Variants in TMBIM1 observed in about 807,000 individuals in gnomAD.
The protein encoded by TMBIM1 is transmembrane BAX inhibitor motif containing 1.
Under a neutral mutation model 45.1 loss-of-function variants are expected in TMBIM1, and 34 were observed. That is an observed-to-expected ratio of 0.75 (90% CI 0.57 to 1.00). The LOEUF (loss-of-function observed/expected upper bound fraction) is 1.00, where lower values mean the gene tolerates loss of function less well. Among genes scored for constraint, TMBIM1 ranks in the 50% least tolerant of loss-of-function variants. TMBIM1 has a pLI of 0.00. For missense variants in TMBIM1, 374 were observed against 402.4 expected (o/e 0.93, Z 0.60); for synonymous variants, 157 against 153.5 (o/e 1.02, Z -0.17).
chr2:218,284,798 T>A lies in TMBIM1; in HGVS notation c.-40-2617A>T, dbSNP rs555906286. ...TTGCTATAAAAATTAAGTGAGAAAA[T>A]ACACATAGAAGGCTGGGCACAGTGG... On this transcript the variant is annotated intron_variant, in intron 1 of 11. Coordinates refer to ENST00000258412, the MANE Select transcript of TMBIM1 (RefSeq NM_022152.6). Among the ~76,000 whole-genome samples, 6 of 152,284 alleles carry A rather than the reference T, an allele frequency of 3.9e-5. No homozygotes were observed. In the South Asian group the frequency reaches 1.2e-3, roughly 32 times the overall value.
At chr2:218,275,665 G>C (rs761042621) in intron 11 of TMBIM1, 44 bp from the exon 12 acceptor site, 11 of 1,582,580 alleles carry the variant, frequency 7.0e-6, no homozygotes, top group Non-Finnish European at 7.7e-6. Context: ...AGGCATCAGT[G>C]TCCAGAGCTC....
Position 218,282,064 on chromosome 2 carries a change from AT to A in TMBIM1, c.77del (p.Tyr26LeufsTer40), listed in dbSNP as rs1355604521. The A allele has an allele frequency of 6.3e-7, 1 of 1,597,162 alleles. No individual in the cohort carries two copies. Among genetic ancestry groups the A allele is most frequent in the African/African-American group, 1.3e-5 (1 of 74,166 alleles). On this transcript the variant is annotated frameshift_variant, in exon 2 of 12. Transcript: ENST00000258412. LOFTEE classifies it high-confidence loss of function. ...CTCCTGGCAGGACAGATGGCTGCCC[AT>A]AGCCCCCAGGGGGCGGAGGGCCTGG... ...LYPGPPPPGG[Y>X]GQPSVLPGGY...
intron 2 of TMBIM1, 113 bp downstream of exon 2, chr2:218,281,824 AGAT>A: frequency 1.1e-6 from 1 of 874,956 alleles, no homozygotes. Context: ...TCAACAGAGA[AGAT>A]GAGAAAGGGA....
Position 218,275,498 on chromosome 2 carries a change from G to GC in TMBIM1, c.912dup (p.Gln305AlafsTer25), listed in dbSNP as rs760550492. ...CCTTAATTGCGATCCCCCATCAGCTGCAGCACAAAGGTGAAGATGTAGATG... is the reference window on the plus strand; with the variant it reads ...CCTTAATTGCGATCCCCCATCAGCTGCCAGCACAAAGGTGAAGATGTAGATG... On this transcript the variant is annotated frameshift_variant, in exon 12 of 12. Coordinates refer to ENST00000258412, the MANE Select transcript of TMBIM1 (RefSeq NM_022152.6). LOFTEE classifies it high-confidence loss of function. 1.2e-6 allele frequency: 2 copies of GC among 1,613,922 alleles called. No individual in the cohort carries two copies. Among genetic ancestry groups the GC allele is most frequent in the Admixed American group, 3.3e-5 (2 of 59,964 alleles).
intron 6 of TMBIM1, 98 bp from the exon 7 acceptor site, chr2:218,278,072 G>A: frequency 7.1e-7 from 1 of 1,409,876 alleles, no homozygotes; most frequent in South Asian, 1.2e-5. Flanking sequence ...GTGCCTGGAG[G>A]ATTAAGCCTT....
intron 10 of TMBIM1, 110 bp downstream of exon 10, chr2:218,276,894 T>G (rs1186334124): frequency 2.4e-6 from 2 of 844,752 alleles, no homozygotes; most frequent in Admixed American, 4.1e-5. Flanking sequence ...CGAGAGGTTC[T>G]GGAGGTCAGA....
intron 6 of TMBIM1, 119 bp downstream of exon 6, chr2:218,278,396 C>G: frequency 9.5e-7 from 1 of 1,050,404 alleles, no homozygotes; most frequent in Non-Finnish European, 1.5e-6. Context: ...CGTCATCCTC[C>G]TCCTCATTTC....
intron 6 of TMBIM1, chr2:218,278,291 ATGCTACC>A (rs1316780832): frequency 1.6e-6 from 1 of 613,274 alleles, no homozygotes; most frequent in Non-Finnish European, 2.9e-6. Flanking sequence ...ACTGGCTAAA[ATGCTACC>A]TGTCTTGCAG....
intron 1 of TMBIM1, chr2:218,286,341 T>A (rs2106228462): frequency 6.6e-6 from 1 of 152,100 alleles, no homozygotes; most frequent in East Asian, 1.9e-4. Context: ...CTGGCCCACC[T>A]TCTGCTTGAA....
chr2:218,277,768 C>T (rs2271543), intron 7 of TMBIM1, 98 bp from the exon 8 acceptor site: 610,727 of 1,567,258 alleles, frequency 0.39, 120,950 homozygotes, highest in Middle Eastern at 0.49. Context: ...AGCTGGGGAA[C>T]GCCACCAAGT....
Position 218,282,189 on chromosome 2 carries a change from G to A in TMBIM1, c.-40-8C>T. ...AACCCCAGCTGCTGGGACCTGAAAT[G>A]GGAGAGGAGAAAAGCAATCGTGAAT... On this transcript the variant is annotated splice_region_variant and splice_polypyrimidine_tract_variant and intron_variant, in intron 1 of 11. Coordinates refer to ENST00000258412, the MANE Select transcript of TMBIM1 (RefSeq NM_022152.6). 1 of 1,393,302 alleles carries A rather than the reference G, an allele frequency of 7.2e-7. No homozygotes were observed. Among genetic ancestry groups the A allele is most frequent in the South Asian group, 1.6e-5 (1 of 64,010 alleles). 86.3% of individuals were successfully genotyped at this position (1,393,302 alleles called of 1,614,324 possible).
rs1214443339 is a variant in TMBIM1, at chr2:218,280,111, T to C, written c.218A>G (p.Tyr73Cys). 6.2e-6 allele frequency: 10 copies of C among 1,613,890 alleles called. No homozygotes were observed. Among genetic ancestry groups the C allele is most frequent in the Middle Eastern group, 1.6e-4 (1 of 6,084 alleles). The change falls in exon 3 of 12, where the codon TAT becomes TGT. Residue 73 changes from tyrosine to cysteine, a missense_variant. Physicochemically the swap from Tyr to Cys is radical, Grantham distance 194. Transcript: ENST00000258412. The stretch of plus-strand genomic sequence containing the variant: ...ACTCACTGCTCTCTCCTCCCCATCA[T>C]AGCCATGGCCTGGGCCTAGGGACAG... ...MPMNYGPGHG[Y>C]DGEERAVSDS... is the part of the protein sequence containing the mutation.
chr2:218,281,568 TC>T (rs1162863551), intron 2 of TMBIM1, among the ~76,000 whole-genome samples: 1 of 152,200 alleles, frequency 6.6e-6, no homozygotes, highest in Non-Finnish European at 1.5e-5. Context: ...CCAAAGGAGT[TC>T]CTAAGGAAGT....
In TMBIM1 at chr2:218,279,030, A is replaced by G. The variant is rs748628919; in HGVS notation, c.422+8T>C. On this transcript the variant is annotated splice_region_variant and intron_variant, in intron 5 of 11. Coordinates refer to ENST00000258412, the MANE Select transcript of TMBIM1 (RefSeq NM_022152.6). ...TCCCTGCCCAACCACAGAGGAGCAC[A>G]CACTCACTAGGACACGTAGTAGACA... The G allele has an allele frequency of 1.2e-6, 2 of 1,614,144 alleles. No individual in the cohort carries two copies. The highest frequency in any genetic ancestry group is 1.7e-6 in the Non-Finnish European group (2 of 1,179,990).
At chr2:218,278,606 T>C (rs1484089959) in intron 5 of TMBIM1, 41 bp from the exon 6 acceptor site, 3 of 1,610,552 alleles carry the variant, frequency 1.9e-6, no homozygotes. Context: ...GGCCCAAATC[T>C]GCCCCGCTTG....
chr2:218,280,345 A>C, intron 2 of TMBIM1: 1 of 495,786 alleles, frequency 2.0e-6, no homozygotes, highest in Non-Finnish European at 3.7e-6. Flanking sequence ...CCTCACGTGC[A>C]TCTGTGGAGG....
At chr2:218,278,666 T>C (rs1029147022) in intron 5 of TMBIM1, 101 bp from the exon 6 acceptor site, 2 of 1,318,368 alleles carry the variant, frequency 1.5e-6, no homozygotes, top group East Asian at 4.7e-5. Flanking sequence ...CGTTTGGAAG[T>C]CTGAGGGGAA....
intron 1 of TMBIM1, among the ~76,000 whole-genome samples, chr2:218,284,761 C>T (rs1332914123): frequency 6.6e-6 from 1 of 152,166 alleles, no homozygotes; most frequent in Non-Finnish European, 1.5e-5. Flanking sequence ...AGTAATAGTA[C>T]CCTCCACGGG....
chr2:218,290,858 C>A (rs1424246299), intron 1 of TMBIM1, among the ~76,000 whole-genome samples: 1 of 152,240 alleles, frequency 6.6e-6, no homozygotes, highest in African/African-American at 2.4e-5. Context: ...GTGTCCCCAA[C>A]AGAATAGGTC....
Sources: gnomAD v4.1 joint callset for allele counts (sites outside exome capture counted in the v4.1 genomes callset) on GRCh38, gnomAD v4.1.1 for gene constraint, MANE v1.5 for transcripts, NCBI Gene and HGNC (gene_info 2026-07-23, HGNC 2026-07-21) for gene names.